VWA8: variants seen among roughly 807,000 people sequenced by gnomAD.
VWA8 encodes the protein von Willebrand factor A domain-containing protein 8.
Under a neutral mutation model 241.5 loss-of-function variants are expected in VWA8, and 221 were observed. The ratio of observed to expected loss-of-function variants is 0.91; its 90% CI spans 0.82 to 1.02. The LOEUF (loss-of-function observed/expected upper bound fraction) is 1.02. Ranked by LOEUF, VWA8 falls within the 50% of genes least tolerant of loss-of-function variation. The pLI is 0.00. For missense variants in VWA8, 2,322 were observed against 2,328.7 expected (o/e 1.00, Z 0.06); for synonymous variants, 852 against 827.1 (o/e 1.03, Z -0.52).
chr13:41,693,488 A>G (rs2045193422), intron 29 of VWA8, among the ~76,000 whole-genome samples: 1 of 152,070 alleles, frequency 6.6e-6, no homozygotes, highest in African/African-American at 2.4e-5. Flanking sequence ...ATAGATATAA[A>G]GAGGACTAAG....
At chr13:41,744,582 A>G (rs2045590333) in intron 21 of VWA8, among the ~76,000 whole-genome samples, 1 of 140,938 alleles carries the variant, frequency 7.1e-6, no homozygotes, top group African/African-American at 2.6e-5. Flanking sequence ...GGCATTTTAT[A>G]AAACTAAAAC....
At chr13:41,870,714 G>A (rs117366899) in intron 9 of VWA8, among the ~76,000 whole-genome samples, 1 of 151,580 alleles carries the variant, frequency 6.6e-6, no homozygotes, top group Non-Finnish European at 1.5e-5. Flanking sequence ...GAGCTTAAAT[G>A]TATGTTTTCC....
chr13:41,872,134 C>T (rs1267172815), intron 9 of VWA8, among the ~76,000 whole-genome samples: 2 of 152,148 alleles, frequency 1.3e-5, no homozygotes, highest in African/African-American at 4.8e-5. Flanking sequence ...ATGTCCTTCA[C>T]CCACTTTTTG....
intron 23 of VWA8, among the ~76,000 whole-genome samples, chr13:41,727,969 A>G (rs1351687691): frequency 6.6e-6 from 1 of 152,150 alleles, no homozygotes; most frequent in Non-Finnish European, 1.5e-5. Context: ...TGTACATTTC[A>G]GATAGAATTG....
intron 12 of VWA8, among the ~76,000 whole-genome samples, chr13:41,847,523 C>T (rs1450058175): frequency 6.6e-6 from 1 of 152,112 alleles, no homozygotes; most frequent in African/African-American, 2.4e-5. Context: ...GAGGGTCCAG[C>T]AGGAAGGGAG....
At chr13:41,922,761 C>A (rs189025387) in intron 2 of VWA8, among the ~76,000 whole-genome samples, 7 of 152,218 alleles carry the variant, frequency 4.6e-5, no homozygotes, top group Non-Finnish European at 8.8e-5. Context: ...GTTAGAATGG[C>A]AATCATTAAA....
intron 1 of VWA8, among the ~76,000 whole-genome samples, chr13:41,951,174 T>C (rs1052429317): frequency 6.6e-6 from 1 of 151,904 alleles, no homozygotes; most frequent in African/African-American, 2.4e-5. Context: ...CCTAGCACTT[T>C]GGGAGGCCAA....
intron 12 of VWA8, among the ~76,000 whole-genome samples, chr13:41,841,840 TATATATATATATATATATAAAA>T (rs1872061413): frequency 1.1e-5 from 1 of 90,100 alleles, no homozygotes; most frequent in East Asian, 3.0e-4. Flanking sequence ...TATATATATA[TATATATATATATATATATAAAA>T]ACAGTAGACA....
chr13:41,779,131 G>A (rs1257004364), intron 19 of VWA8, among the ~76,000 whole-genome samples: 1 of 149,202 alleles, frequency 6.7e-6, no homozygotes, highest in Non-Finnish European at 1.5e-5. Flanking sequence ...GTGAGCCACC[G>A]CACCTGGCTG....
At chr13:41,864,771 T>C (rs577643232) in intron 12 of VWA8, among the ~76,000 whole-genome samples, 4 of 152,160 alleles carry the variant, frequency 2.6e-5, no homozygotes, top group East Asian at 3.9e-4. Context: ...TTACACAACA[T>C]TGTGAATGTA....
At chr13:41,680,099 A>G (rs1188106066) in intron 35 of VWA8, among the ~76,000 whole-genome samples, 3 of 152,028 alleles carry the variant, frequency 2.0e-5, no homozygotes, top group African/African-American at 7.2e-5. Flanking sequence ...TGCTTATATT[A>G]TTATAATTAT....
At chr13:41,789,311 T>C (rs1296404531) in intron 17 of VWA8, among the ~76,000 whole-genome samples, 1 of 152,168 alleles carries the variant, frequency 6.6e-6, no homozygotes, top group African/African-American at 2.4e-5. Context: ...AGCAAATAAA[T>C]GAATGAATGA....
chr13:41,612,942 A>AT (rs2044599448), intron 38 of VWA8, among the ~76,000 whole-genome samples: 1 of 152,192 alleles, frequency 6.6e-6, no homozygotes, highest in African/African-American at 2.4e-5. Context: ...CATGAAGCTA[A>AT]AATGCTTAGA....
At chr13:41,820,178 C>T (rs1175436311) in intron 14 of VWA8, among the ~76,000 whole-genome samples, 1 of 152,096 alleles carries the variant, frequency 6.6e-6, no homozygotes, top group East Asian at 1.9e-4. Context: ...ATCAATTCTA[C>T]TAAAAAACCC....
At chr13:41,708,668 T>C (rs2045297931) in intron 26 of VWA8, among the ~76,000 whole-genome samples, 1 of 152,154 alleles carries the variant, frequency 6.6e-6, no homozygotes, top group African/African-American at 2.4e-5. Context: ...CTTGTATACC[T>C]CTCCCACCTA....
chr13:41,881,794 T>G, intron 9 of VWA8, among the ~76,000 whole-genome samples: 1 of 121,308 alleles, frequency 8.2e-6, no homozygotes, highest in Admixed American at 7.9e-5. Context: ...CACTTCCCAG[T>G]AGGGGCGGCC....
Position 41,702,430 on chromosome 13 carries a change from C to T in VWA8, c.3225+873G>A, listed in dbSNP as rs77747601. ...TTGGAAGGCAGAAAAGAGGTAGTGG[C>T]CATCTTCCTGCAGTGATAGCAGACA... is the stretch of plus-strand genomic sequence containing the variant. On this transcript the variant is annotated intron_variant, in intron 27 of 44. Transcript: ENST00000379310. Among the ~76,000 whole-genome samples, 759 of 152,298 alleles carry T rather than the reference C, an allele frequency of 5.0e-3. 4 individuals are homozygous for T. The highest frequency in any genetic ancestry group is 0.01 in the Middle Eastern group (3 of 294).
At chr13:41,642,342 G>A (rs937962292) in intron 37 of VWA8, among the ~76,000 whole-genome samples, 5 of 151,984 alleles carry the variant, frequency 3.3e-5, no homozygotes, top group Non-Finnish European at 5.9e-5. Flanking sequence ...GGCAGATCAC[G>A]AGGTCAGGAG....
chr13:41,901,317 G>C (rs1875414385), intron 4 of VWA8, among the ~76,000 whole-genome samples: 1 of 151,916 alleles, frequency 6.6e-6, no homozygotes, highest in African/African-American at 2.4e-5. Flanking sequence ...TATGGTAAAA[G>C]AACTTGAGCT....
Sources: gnomAD v4.1 joint callset for allele counts (sites outside exome capture counted in the v4.1 genomes callset) on GRCh38, gnomAD v4.1.1 for gene constraint, MANE v1.5 for transcripts, NCBI Gene and HGNC (gene_info 2026-07-23, HGNC 2026-07-21) for gene names.